CEP76: variants seen among roughly 807,000 people sequenced by gnomAD.
The protein encoded by CEP76 is centrosomal protein of 76 kDa.
In CEP76, 55 loss-of-function variants were observed where a neutral mutation model predicts 83.3. That is an observed-to-expected ratio of 0.66 (90% CI 0.53 to 0.83). The LOEUF (loss-of-function observed/expected upper bound fraction) is 0.83. Ranked by LOEUF, CEP76 falls within the 40% of genes least tolerant of loss-of-function variation. The probability of loss-of-function intolerance (pLI) is 0.00; values close to 1 mark genes in which losing one functional copy is unlikely to be tolerated. For synonymous variants in CEP76, 270 were observed against 274.5 expected (o/e 0.98, Z 0.16); for missense variants, 694 against 799.5 (o/e 0.87, Z 1.59).
At chr18:12,698,834 TTTAAA>T (rs2040051742) in intron 4 of CEP76, 140 bp downstream of exon 4, 1 of 619,642 alleles carries the variant, frequency 1.6e-6, no homozygotes, top group African/African-American at 1.8e-5. Context: ...TGGATAGTAG[TTTAAA>T]TTGAAAAGAG....
In CEP76 at chr18:12,698,961, T is replaced by G; in HGVS notation, c.520+18A>C. On this transcript the variant is annotated intron_variant, in intron 4 of 11. Coordinates refer to ENST00000262127, the MANE Select transcript of CEP76 (RefSeq NM_024899.4). ...AAAGATTTACTCAATTAAATGACAA[T>G]TTATTACTGTTTCTTACCCAAGCTT... 6.6e-7 allele frequency: 1 copy of G among 1,524,828 alleles called. No homozygotes were observed. Among genetic ancestry groups the G allele is most frequent in the Non-Finnish European group, 9.0e-7 (1 of 1,108,490 alleles). The allele number at this position is 1,524,828 out of a possible 1,614,324, so 94.5% of individuals were successfully genotyped here. A position where few individuals can be genotyped will look rare whatever the true frequency, so the allele number is the denominator to read the frequency against.
intron 10 of CEP76, 152 bp from the exon 11 acceptor site, chr18:12,674,905 G>T: frequency 4.0e-6 from 2 of 494,734 alleles, no homozygotes; most frequent in Non-Finnish European, 6.8e-6. Context: ...GGGATACATA[G>T]AAATAAAAAT....
In CEP76 at chr18:12,673,454, G is replaced by T; in HGVS notation, c.1891C>A (p.Leu631Met). 1 of 1,589,484 alleles carries T rather than the reference G, an allele frequency of 6.3e-7. No individual in the cohort carries two copies. The highest frequency in any genetic ancestry group is 1.7e-4 in the Middle Eastern group (1 of 6,000). The change falls in exon 12 of 12, where the codon CTG becomes ATG. Residue 631 changes from leucine to methionine, a missense_variant. By Grantham distance (15) the Leu-to-Met change is conservative. Transcript: ENST00000262127. The part of the protein sequence containing the change: ...IICCRGDQVR[L>M]AVRVRVFTYP... ...GTAAATACTCGGACACGAACTGCCAGTCGCACTTGGTCTCCACGGCAACAG... is the reference window on the plus strand; with the variant it reads ...GTAAATACTCGGACACGAACTGCCATTCGCACTTGGTCTCCACGGCAACAG...
chr18:12,674,520 G>A lies in CEP76; in HGVS notation c.1841+16C>T, dbSNP rs200658571. ...ACTCCTAAACTGAAAAAATGATTCCGTAAATTACACCTTACCGAAGACATG... is the reference window on the plus strand; with the variant it reads ...ACTCCTAAACTGAAAAAATGATTCCATAAATTACACCTTACCGAAGACATG... On this transcript the variant is annotated intron_variant, in intron 11 of 11. Coordinates refer to ENST00000262127, the MANE Select transcript of CEP76 (RefSeq NM_024899.4). 2.1e-5 allele frequency: 34 copies of A among 1,594,118 alleles called. No homozygotes were observed. Among genetic ancestry groups the A allele is most frequent in the South Asian group, 6.6e-5 (6 of 90,478 alleles).
In CEP76 at chr18:12,672,808, C is replaced by G. The variant is rs749600716; in HGVS notation, c.*557G>C. Reference sequence around the variant, plus strand: ...TTTCTGGTATTAGTTTTTTCCTACTCTTGCTTCAAGGTCCAACCATAAATT... The same window carrying G: ...TTTCTGGTATTAGTTTTTTCCTACTGTTGCTTCAAGGTCCAACCATAAATT... On this transcript the variant is annotated 3_prime_UTR_variant, in exon 12 of 12. Coordinates refer to ENST00000262127, the MANE Select transcript of CEP76 (RefSeq NM_024899.4). 1.4e-5 allele frequency: 14 copies of G among 983,894 alleles called. No individual in the cohort carries two copies. The highest frequency in any genetic ancestry group is 1.6e-5 in the Non-Finnish European group (13 of 828,554). The allele number at this position is 983,894 out of a possible 1,614,324, so 60.9% of individuals were successfully genotyped here.
At position 12,701,052 on chromosome 18, in the gene CEP76, G is replaced by C. The variant is rs748572306; in HGVS notation, c.125C>G (p.Pro42Arg). Residue 42 changes from proline to arginine, a missense_variant, in exon 2 of 12, where the codon CCT becomes CGT. By Grantham distance (103) the Pro-to-Arg change is moderately radical. Coordinates refer to ENST00000262127, the MANE Select transcript of CEP76 (RefSeq NM_024899.4). ...TTCTGTTGATAAATGCTGTTGATCA[G>C]GTGCCAATTCTTCCCGTATAGTCTC... ...LAETIREELA[P>R]DQQHLSTEDL... The C allele has an allele frequency of 3.7e-6, 6 of 1,613,444 alleles. No homozygotes were observed. Among genetic ancestry groups the C allele is most frequent in the Non-Finnish European group, 5.1e-6 (6 of 1,179,568 alleles).
In CEP76 at chr18:12,673,303, G is replaced by A; in HGVS notation, c.*62C>T. 4 of 1,549,384 alleles carry A rather than the reference G, an allele frequency of 2.6e-6. No homozygotes were observed. The highest frequency in any genetic ancestry group is 1.2e-5 in the South Asian group (1 of 81,752). ...AAATAACAAACCTCTAAATAGCTAA[G>A]TAATGTACAATGTGTAAAATTCCAA... On this transcript the variant is annotated 3_prime_UTR_variant, in exon 12 of 12. Coordinates refer to ENST00000262127, the MANE Select transcript of CEP76 (RefSeq NM_024899.4).
In CEP76 at chr18:12,662,726, G is replaced by C. The variant is rs572784299; in HGVS notation, c.*1728-557C>G. On this transcript the variant is annotated intron_variant and NMD_transcript_variant, in intron 12 of 12. Coordinates refer to the CEP76 transcript ENST00000590143. ...CAGGAGGCAGAGGCTGCAGTGAGCC[G>C]AGATCATGCCACTGCCCTCCAGCCT... Among the ~76,000 whole-genome samples, 15 of 152,288 alleles carry C rather than the reference G, an allele frequency of 9.8e-5. No individual in the cohort carries two copies. The South Asian group carries it at 3.1e-3, about 32-fold the overall frequency.
At chr18:12,699,983 A>G (rs1298933906) in intron 2 of CEP76, 78 bp from the exon 3 acceptor site, 2 of 906,256 alleles carry the variant, frequency 2.2e-6, no homozygotes, top group East Asian at 5.7e-5. Context: ...AACATGACTA[A>G]GCACTGAACC....
intron 6 of CEP76, among the ~76,000 whole-genome samples, chr18:12,692,907 C>G (rs777644841): frequency 6.6e-5 from 10 of 152,182 alleles, no homozygotes; most frequent in Non-Finnish European, 1.3e-4. Context: ...ACTGTAGCCT[C>G]GAATTCCTGG....
At chr18:12,667,603 A>G (rs902977551) in intron 12 of CEP76, among the ~76,000 whole-genome samples, 2 of 150,584 alleles carry the variant, frequency 1.3e-5, no homozygotes, top group Non-Finnish European at 3.0e-5. Context: ...TCTAGTAAAA[A>G]TACAAAAATT....
chr18:12,696,708 T>G (rs1222558661), intron 5 of CEP76, among the ~76,000 whole-genome samples: 1 of 152,074 alleles, frequency 6.6e-6, no homozygotes, highest in Non-Finnish European at 1.5e-5. Flanking sequence ...CTATGATAAA[T>G]AAGATAGGCA....
intron 4 of CEP76, among the ~76,000 whole-genome samples, chr18:12,697,632 C>T (rs1374761832): frequency 6.6e-6 from 1 of 152,214 alleles, no homozygotes; most frequent in African/African-American, 2.4e-5. Flanking sequence ...TATCCAGTAA[C>T]TTACAGCATA....
chr18:12,678,041 C>T, intron 10 of CEP76, 68 bp downstream of exon 10: 1 of 1,283,754 alleles, frequency 7.8e-7, no homozygotes, highest in East Asian at 2.3e-5. Context: ...CTATCACACA[C>T]ACCAAAAAAC....
At chr18:12,690,076 A>G (rs1368783215) in intron 7 of CEP76, among the ~76,000 whole-genome samples, 1 of 141,126 alleles carries the variant, frequency 7.1e-6, no homozygotes, top group Admixed American at 6.9e-5. Context: ...GGCGTGAGCC[A>G]CCGCGCCCGG....
intron 10 of CEP76, among the ~76,000 whole-genome samples, chr18:12,677,655 C>A (rs539130011): frequency 5.3e-5 from 8 of 152,048 alleles, no homozygotes; most frequent in Non-Finnish European, 1.2e-4. Flanking sequence ...GATGATGTTT[C>A]ACCATATTCC....
intron 8 of CEP76, chr18:12,685,309 C>G (rs1009237317): frequency 1.3e-5 from 2 of 151,982 alleles, no homozygotes; most frequent in African/African-American, 2.4e-5. Flanking sequence ...CTTATTTTCT[C>G]TTTTTTAAAG....
At chr18:12,684,634 C>T (rs1439783190) in intron 8 of CEP76, 18 of 152,014 alleles carry the variant, frequency 1.2e-4, no homozygotes, top group Admixed American at 1.2e-3. Flanking sequence ...GAGCCCGCCA[C>T]CATGGCTGGC....
In CEP76 at chr18:12,672,760, A is replaced by G. The variant is rs375931107; in HGVS notation, c.*605T>C. 5 of 976,108 alleles carry G rather than the reference A, an allele frequency of 5.1e-6. No homozygotes were observed. The African/African-American group carries it at 8.7e-5, about 17-fold the overall frequency. 60.5% of individuals were successfully genotyped at this position (976,108 alleles called of 1,614,324 possible). ...TTCTAAATGATTCATGTACTTTCAT[A>G]TGAGGTTATTAATATTTATGCTTTT... is the stretch of plus-strand genomic sequence containing the variant. On this transcript the variant is annotated 3_prime_UTR_variant, in exon 12 of 12. Coordinates refer to ENST00000262127, the MANE Select transcript of CEP76 (RefSeq NM_024899.4).
Sources: gnomAD v4.1 joint callset for allele counts (sites outside exome capture counted in the v4.1 genomes callset) on GRCh38, gnomAD v4.1.1 for gene constraint, MANE v1.5 for transcripts, NCBI Gene and HGNC (gene_info 2026-07-23, HGNC 2026-07-21) for gene names.